Variants in DPF3 observed in about 807,000 individuals in gnomAD.
DPF3 encodes the protein zinc finger protein DPF3.
A neutral mutation model predicts 56.8 loss-of-function variants in DPF3; 18 were observed. The observed-to-expected ratio is 0.32, with a 90% CI of 0.22 to 0.47. The LOEUF is 0.47. Ranked by LOEUF, DPF3 falls within the 20% of genes least tolerant of loss-of-function variation. The pLI is 1.00. For missense variants in DPF3, 403 were observed against 488.8 expected, an observed-to-expected ratio of 0.82 and a Z score of 1.65; for synonymous variants, 188 against 180.2, an observed-to-expected ratio of 1.04 and a Z score of -0.35.
intron 6 of DPF3, among the ~76,000 whole-genome samples, chr14:72,695,325 G>T (rs893252649): frequency 3.9e-5 from 6 of 152,196 alleles, no homozygotes; most frequent in Non-Finnish European, 5.9e-5. Flanking sequence ...AGGGCTGTCA[G>T]CATTTTTTGC....
intron 3 of DPF3, among the ~76,000 whole-genome samples, chr14:72,732,280 C>T (rs1169724110): frequency 1.3e-5 from 2 of 152,226 alleles, no homozygotes; most frequent in African/African-American, 2.4e-5. Context: ...ATCCACAAAG[C>T]AGGGGTAACA....
intron 1 of DPF3, among the ~76,000 whole-genome samples, chr14:72,846,216 T>C (rs1416801992): frequency 2.6e-5 from 4 of 151,632 alleles, no homozygotes; most frequent in Admixed American, 2.6e-4. Flanking sequence ...GCTCGAGCAA[T>C]TCTCATGTCT....
intron 3 of DPF3, among the ~76,000 whole-genome samples, chr14:72,748,702 G>T (rs1014243392): frequency 6.6e-6 from 1 of 152,176 alleles, no homozygotes; most frequent in African/African-American, 2.4e-5. Context: ...TAGGGACTTG[G>T]TGTCCTGTGT....
chr14:72,632,083 G>T (rs1567183904), intron 8 of DPF3, among the ~76,000 whole-genome samples: 1 of 152,218 alleles, frequency 6.6e-6, no homozygotes, highest in Admixed American at 6.5e-5. Context: ...AGCTGCAGAG[G>T]TAGCTGGAGA....
At chr14:72,628,108 C>T (rs1690289707) in intron 9 of DPF3, among the ~76,000 whole-genome samples, 1 of 152,012 alleles carries the variant, frequency 6.6e-6, no homozygotes, top group Non-Finnish European at 1.5e-5. Flanking sequence ...ATTAAATTCT[C>T]CTGTCTAATT....
At chr14:72,740,406 TA>T (rs1458600309) in intron 3 of DPF3, among the ~76,000 whole-genome samples, 1 of 152,178 alleles carries the variant, frequency 6.6e-6, no homozygotes, top group East Asian at 1.9e-4. Context: ...TGTCGTCTCT[TA>T]ATGAGTTTGG....
intron 3 of DPF3, among the ~76,000 whole-genome samples, chr14:72,734,235 G>A (rs1889794814): frequency 6.6e-6 from 1 of 152,198 alleles, no homozygotes; most frequent in Admixed American, 6.5e-5. Flanking sequence ...TGTTAGGGAG[G>A]AAAACGACAG....
At chr14:72,872,643 G>A (rs1041713030) in intron 1 of DPF3, among the ~76,000 whole-genome samples, 3 of 152,186 alleles carry the variant, frequency 2.0e-5, no homozygotes, top group Admixed American at 2.0e-4. Flanking sequence ...AACAAAGCTG[G>A]AGGCATCATG....
chr14:72,763,328 G>T (rs957377534), intron 2 of DPF3, among the ~76,000 whole-genome samples: 3 of 151,962 alleles, frequency 2.0e-5, no homozygotes, highest in Non-Finnish European at 4.4e-5. Flanking sequence ...AATTTAGAGG[G>T]CTAACACCAC....
At chr14:72,718,318 C>T (rs1176586146) in intron 5 of DPF3, among the ~76,000 whole-genome samples, 6 of 152,168 alleles carry the variant, frequency 3.9e-5, no homozygotes, top group Non-Finnish European at 8.8e-5. Flanking sequence ...CAGACTCGGT[C>T]CCAAGCAGAG....
chr14:72,874,961 A>G (rs527538277), intron 1 of DPF3, among the ~76,000 whole-genome samples: 3 of 152,332 alleles, frequency 2.0e-5, no homozygotes, highest in African/African-American at 7.2e-5. Context: ...AATTGGACTT[A>G]CAGTTCCACG....
At chr14:72,746,779 T>C (rs1890340535) in intron 3 of DPF3, among the ~76,000 whole-genome samples, 2 of 152,252 alleles carry the variant, frequency 1.3e-5, no homozygotes, top group African/African-American at 4.8e-5. Flanking sequence ...CACTTCTGCC[T>C]CATGCTTGGG....
At chr14:72,761,524 A>C (rs962405930) in intron 2 of DPF3, among the ~76,000 whole-genome samples, 1 of 152,000 alleles carries the variant, frequency 6.6e-6, no homozygotes, top group African/African-American at 2.4e-5. Flanking sequence ...AATGAAACTA[A>C]AAACCCTATA....
At chr14:72,820,139 A>AT (rs1376488049) in intron 1 of DPF3, among the ~76,000 whole-genome samples, 1 of 152,208 alleles carries the variant, frequency 6.6e-6, no homozygotes, top group African/African-American at 2.4e-5. Context: ...GAATGAGTAC[A>AT]TTTTATTGAA....
intron 7 of DPF3, among the ~76,000 whole-genome samples, chr14:72,692,409 T>C (rs1006557656): frequency 6.6e-6 from 1 of 152,182 alleles, no homozygotes; most frequent in African/African-American, 2.4e-5. Flanking sequence ...CCCCTTTGGA[T>C]TCCCTAATTC....
At chr14:72,679,149 G>A (rs1021190372) in intron 7 of DPF3, 2 of 152,140 alleles carry the variant, frequency 1.3e-5, no homozygotes, top group African/African-American at 4.8e-5. Flanking sequence ...TAAAACTACC[G>A]CCCAGGCAGC....
chr14:72,707,567 T>C (rs550767873), intron 6 of DPF3, among the ~76,000 whole-genome samples: 1 of 152,350 alleles, frequency 6.6e-6, no homozygotes, highest in South Asian at 2.1e-4. Context: ...CCCTAAAAAC[T>C]ATGTCATAAA....
intron 7 of DPF3, among the ~76,000 whole-genome samples, chr14:72,681,096 C>A (rs1364162707): frequency 2.0e-5 from 3 of 152,188 alleles, no homozygotes; most frequent in Non-Finnish European, 4.4e-5. Flanking sequence ...TCCCTGGCCC[C>A]TGGCCAGCAG....
chr14:72,756,933 G>GAAAGAAAGAAAGAA lies in DPF3; in HGVS notation c.194-3563_194-3562insTTCTTTCTTTCTTT, dbSNP rs1567223087. 2.8e-4 allele frequency among the ~76,000 whole-genome samples: 11 copies of GAAAGAAAGAAAGAA among 39,234 alleles called. No homozygotes were observed. In the South Asian group the frequency reaches 2.9e-3, roughly 10 times the overall value. 25.7% of individuals were successfully genotyped at this position (39,234 alleles called of 152,430 possible). On this transcript the variant is annotated intron_variant, in intron 2 of 10. Transcript: ENST00000556509. ...AAGAAAGAAAGAAAGAAAGAAAGAA[G>GAAAGAAAGAAAGAA]AGAAGAGAAGAGAAAGGGAGAGGGA...
Sources: gnomAD v4.1 joint callset for allele counts (sites outside exome capture counted in the v4.1 genomes callset) on GRCh38, gnomAD v4.1.1 for gene constraint, MANE v1.5 for transcripts, NCBI Gene and HGNC (gene_info 2026-07-23, HGNC 2026-07-21) for gene names.